RNF168: variants seen among roughly 807,000 people sequenced by gnomAD.
RNF168 encodes ring finger protein 168, also known as E3 ubiquitin-protein ligase RNF168.
Under a neutral mutation model 34.9 loss-of-function variants are expected in RNF168, and 34 were observed. The ratio of observed to expected loss-of-function variants is 0.97; its 90% CI spans 0.74 to 1.30. RNF168 has a LOEUF of 1.30. Ranked by LOEUF, RNF168 falls within the 50% of genes most tolerant of loss-of-function variation. RNF168 has a pLI of 0.00. For synonymous variants in RNF168, 264 were observed against 254.7 expected (o/e 1.04, Z -0.35); for missense variants, 725 against 682.5 (o/e 1.06, Z -0.69).
chr3:196,495,339 T>C (rs1320959070), intron 1 of RNF168, among the ~76,000 whole-genome samples: 1 of 152,228 alleles, frequency 6.6e-6, no homozygotes, highest in African/African-American at 2.4e-5. Flanking sequence ...TTACCCATCA[T>C]ATCAATGATA....
At chr3:196,485,037 A>G (rs1732390074) in intron 3 of RNF168, among the ~76,000 whole-genome samples, 4 of 152,194 alleles carry the variant, frequency 2.6e-5, no homozygotes, top group Admixed American at 2.6e-4. Flanking sequence ...TATACCCAAA[A>G]GAATAGTTTT....
At chr3:196,481,982 T>G (rs896237235) in intron 4 of RNF168, among the ~76,000 whole-genome samples, 11 of 143,316 alleles carry the variant, frequency 7.7e-5, no homozygotes. Flanking sequence ...TTTTTTTTTT[T>G]AGAGACAGGA....
At position 196,487,532 on chromosome 3, in the gene RNF168, C is replaced by T. The variant is rs1197811039; in HGVS notation, c.425G>A (p.Ser142Asn). 1.9e-6 allele frequency: 3 copies of T among 1,614,188 alleles called. No homozygotes were observed. Among genetic ancestry groups the T allele is most frequent in the Non-Finnish European group, 2.5e-6 (3 of 1,180,020 alleles). Residue 142 changes from serine to asparagine, a missense_variant, in exon 3 of 6, where the codon AGT becomes AAT. Coordinates refer to ENST00000318037, the MANE Select transcript of RNF168 (RefSeq NM_152617.4). Reference sequence around the variant, plus strand: ...CAACAACCTCTGTATGTATTCTTCACTGGCTTTGTTTTCTTCTTCCTCGCT... The same window carrying T: ...CAACAACCTCTGTATGTATTCTTCATTGGCTTTGTTTTCTTCTTCCTCGCT... Reference protein sequence around the residue: ...RASEEEENKASEEYIQRLLAE... With the variant: ...RASEEEENKANEEYIQRLLAE...
intron 4 of RNF168, chr3:196,475,540 TA>T: frequency 2.2e-6 from 1 of 453,226 alleles, no homozygotes; most frequent in South Asian, 2.3e-5. Flanking sequence ...AAGTCAAATC[TA>T]AATATTTTTT....
chr3:196,503,564 C>A lies in RNF168; in HGVS notation c.-391G>T. 1 of 242,566 alleles carries A rather than the reference C, an allele frequency of 4.1e-6. No homozygotes were observed. The highest frequency in any genetic ancestry group is 4.4e-5 in the South Asian group (1 of 22,924). The allele number at this position is 242,566 out of a possible 1,614,324, so 15.0% of individuals were successfully genotyped here. On this transcript the variant is annotated 5_prime_UTR_variant, in exon 1 of 6. Coordinates refer to ENST00000318037, the MANE Select transcript of RNF168 (RefSeq NM_152617.4). ...GATGCTCCGCTCAGCTCGGGGCAGC[C>A]GGGCCCCGGGACGCGGCTCCGGGAG...
intron 5 of RNF168, among the ~76,000 whole-genome samples, chr3:196,473,194 AAAGGT>A (rs1732056628): frequency 6.6e-6 from 1 of 152,184 alleles, no homozygotes; most frequent in African/African-American, 2.4e-5. Flanking sequence ...TTCACCTTAC[AAAGGT>A]CTGCCAGCAT....
intron 4 of RNF168, among the ~76,000 whole-genome samples, chr3:196,478,993 C>A (rs974091151): frequency 6.7e-6 from 1 of 149,036 alleles, no homozygotes. Flanking sequence ...AGGTGTGAGC[C>A]ACCGCACCTG....
In RNF168 at chr3:196,500,310, A is replaced by C. The variant is rs147172566; in HGVS notation, c.301+2563T>G. ...TTAATGTAGCATATACATACACTGG[A>C]ACATTATTCAGCCTGGAAAAGAAGG... is the stretch of plus-strand genomic sequence containing the variant. On this transcript the variant is annotated intron_variant, in intron 1 of 5. Transcript: ENST00000318037. Among the ~76,000 whole-genome samples, 962 of 152,360 alleles carry C rather than the reference A, an allele frequency of 6.3e-3. 6 individuals carry two copies. The highest frequency in any genetic ancestry group is 0.017 in the Middle Eastern group (5 of 294).
chr3:196,471,291 A>C lies in RNF168; in HGVS notation c.*528T>G, dbSNP rs1577506200. The stretch of plus-strand genomic sequence containing the variant: ...TTGAAACTCCGTCTAAAAAAAAAAA[A>C]CAAACACCAAAGGAAATGCTACAAT... On this transcript the variant is annotated 3_prime_UTR_variant, in exon 6 of 6. Transcript: ENST00000318037. 2 of 151,358 alleles carry C rather than the reference A, an allele frequency of 1.3e-5. No individual in the cohort carries two copies. The highest frequency in any genetic ancestry group is 1.5e-5 in the Non-Finnish European group (1 of 67,956). The allele number at this position is 151,358 out of a possible 1,614,324, so 9.4% of individuals were successfully genotyped here. A position where few individuals can be genotyped will look rare whatever the true frequency, so the allele number is the denominator to read the frequency against.
chr3:196,483,832 T>C lies in RNF168; in HGVS notation c.618A>G (p.Pro206=). Reference sequence around the variant, plus strand: ...TTTTCTTTTCAGACTTGGGTGTAACTGGATCAGATTTTCTGGAATTCAAGG... The same window carrying C: ...TTTTCTTTTCAGACTTGGGTGTAACCGGATCAGATTTTCTGGAATTCAAGG... ...ASPLNSRKSD[P]VTPKSEKKSK... is the part of the protein sequence containing the mutation. Residue 206 remains proline, a synonymous_variant, in exon 4 of 6, where the codon CCA becomes CCG. Transcript: ENST00000318037. The C allele has an allele frequency of 1.2e-6, 2 of 1,608,498 alleles. No homozygotes were observed. The highest frequency in any genetic ancestry group is 1.7e-6 in the Non-Finnish European group (2 of 1,174,924).
Position 196,503,336 on chromosome 3 carries a change from A to G in RNF168, c.-163T>C, listed in dbSNP as rs1326797676. ...GGAGCATCCAACACGTCTTGAAGCA[A>G]AAAGGCGCTCTCAGGGTCAGGCAAA... On this transcript the variant is annotated 5_prime_UTR_variant, in exon 1 of 6. Transcript: ENST00000318037. 8 of 691,958 alleles carry G rather than the reference A, an allele frequency of 1.2e-5. No individual in the cohort carries two copies. The highest frequency in any genetic ancestry group is 1.8e-5 in the Non-Finnish European group (7 of 392,676). The allele number at this position is 691,958 out of a possible 1,614,324, so 42.9% of individuals were successfully genotyped here.
chr3:196,481,988 C>T (rs1732305057), intron 4 of RNF168, among the ~76,000 whole-genome samples: 1 of 133,746 alleles, frequency 7.5e-6, no homozygotes, highest in Non-Finnish European at 1.6e-5. Context: ...TTTTTAGAGA[C>T]AGGATCTTGC....
Position 196,471,925 on chromosome 3 carries a change from G to C in RNF168, c.1610C>G (p.Pro537Arg). The C allele has an allele frequency of 6.2e-7, 1 of 1,613,618 alleles. No homozygotes were observed. The highest frequency in any genetic ancestry group is 8.5e-7 in the Non-Finnish European group (1 of 1,179,548). ...LKQSVNRRKM[P>R]NSTRDHCKVS... is the part of the protein sequence containing the mutation. The stretch of plus-strand genomic sequence containing the variant: ...CTTACAGTGATCTCTAGTAGAATTT[G>C]GCATCTTTCTTCTATTAACTGACTG... Residue 537 changes from proline (P) to arginine (R), a missense_variant, in exon 6 of 6, where the codon CCA becomes CGA. By Grantham distance (103) the Pro-to-Arg change is moderately radical. Transcript: ENST00000318037.
chr3:196,495,415 G>A (rs534710596), intron 1 of RNF168, among the ~76,000 whole-genome samples: 32 of 152,280 alleles, frequency 2.1e-4, no homozygotes, highest in African/African-American at 7.2e-4. Flanking sequence ...TTCTAATCCA[G>A]GGTCATGCAC....
intron 1 of RNF168, among the ~76,000 whole-genome samples, chr3:196,498,049 T>C (rs1732787588): frequency 6.6e-6 from 1 of 152,170 alleles, no homozygotes; most frequent in East Asian, 1.9e-4. Flanking sequence ...TGGTTAAATC[T>C]AAAAAGACAG....
chr3:196,480,314 C>A (rs1307210778), intron 4 of RNF168, among the ~76,000 whole-genome samples: 1 of 152,148 alleles, frequency 6.6e-6, no homozygotes, highest in Non-Finnish European at 1.5e-5. Context: ...ATGCTTATTA[C>A]TTGGTTGAAG....
At chr3:196,489,004 G>C (rs949242127) in intron 1 of RNF168, among the ~76,000 whole-genome samples, 1 of 151,882 alleles carries the variant, frequency 6.6e-6, no homozygotes, top group Non-Finnish European at 1.5e-5. Flanking sequence ...ACAGGCATGC[G>C]CCACCACACC....
chr3:196,474,386 T>A (rs1388471694), intron 5 of RNF168, among the ~76,000 whole-genome samples: 1 of 150,820 alleles, frequency 6.6e-6, no homozygotes, highest in Non-Finnish European at 1.5e-5. Context: ...TGCCTCAGCC[T>A]CTCAAAGTGC....
chr3:196,477,351 A>G (rs1047471330), intron 4 of RNF168, among the ~76,000 whole-genome samples: 1 of 148,348 alleles, frequency 6.7e-6, no homozygotes, highest in Non-Finnish European at 1.5e-5. Context: ...TAACAGACAA[A>G]TCCATAAGTT....
Sources: allele counts gnomAD v4.1 joint callset (sites outside exome capture counted in the v4.1 genomes callset), GRCh38; gene constraint gnomAD v4.1.1; transcripts MANE v1.5; gene names NCBI Gene and HGNC (gene_info 2026-07-23, HGNC 2026-07-21).